CC2D2B: variants seen among roughly 807,000 people sequenced by gnomAD.
CC2D2B encodes the protein coiled-coil and C2 domain containing 2B.
In CC2D2B, 128 loss-of-function variants were observed where a neutral mutation model predicts 161.2. The ratio of observed to expected loss-of-function variants is 0.79; its 90% CI spans 0.69 to 0.92. The LOEUF is 0.92. Among genes scored for constraint, CC2D2B ranks in the 40% least tolerant of loss-of-function variants. CC2D2B has a pLI of 0.00. For synonymous variants in CC2D2B, 391 were observed against 449.8 expected (o/e 0.87, Z 1.65); for missense variants, 1,173 against 1,375.1 (o/e 0.85, Z 2.32).
intron 2 of CC2D2B, among the ~76,000 whole-genome samples, chr10:95,918,036 C>G (rs143946289): frequency 4.7e-4 from 71 of 152,280 alleles, no homozygotes; most frequent in African/African-American, 1.5e-3. Flanking sequence ...CTCAGCCTCC[C>G]AAAGTGCTGG....
At position 95,981,210 on chromosome 10, in the gene CC2D2B, G is replaced by A. The variant is rs190024030; in HGVS notation, c.1944-765G>A. On this transcript the variant is annotated intron_variant, in intron 17 of 34. Transcript: ENST00000646931. Reference sequence around the variant, plus strand: ...AGATTGAAACCATCCTGGCCAACATGGTGAAATGCCCTCTCTACTAAAAAT... The same window carrying A: ...AGATTGAAACCATCCTGGCCAACATAGTGAAATGCCCTCTCTACTAAAAAT... Among the ~76,000 whole-genome samples the A allele has an allele frequency of 3.9e-5, 6 of 152,174 alleles. No homozygotes were observed. In the East Asian group the frequency reaches 1.2e-3, roughly 29 times the overall value.
chr10:95,925,840 C>G (rs192479214), intron 5 of CC2D2B, among the ~76,000 whole-genome samples: 33 of 152,210 alleles, frequency 2.2e-4, no homozygotes, highest in Non-Finnish European at 4.4e-4. Context: ...TTAGGTTGAT[C>G]TTTTAGGGGA....
At chr10:95,923,363 G>C (rs967024653) in intron 3 of CC2D2B, among the ~76,000 whole-genome samples, 7 of 152,294 alleles carry the variant, frequency 4.6e-5, no homozygotes, top group Admixed American at 2.6e-4. Flanking sequence ...TGAGATTGCA[G>C]GCATAAGCCT....
In CC2D2B at chr10:95,966,317, A is replaced by T. The variant is rs1034110113; in HGVS notation, c.1466+15A>T. Reference sequence around the variant, plus strand: ...AAGTGTTCCTTGTAAGCATGTTTAAATAATTATTTATTTATTATATATTGT... The same window carrying T: ...AAGTGTTCCTTGTAAGCATGTTTAATTAATTATTTATTTATTATATATTGT... On this transcript the variant is annotated intron_variant, in intron 14 of 34. Transcript: ENST00000646931. 3 of 899,856 alleles carry T rather than the reference A, an allele frequency of 3.3e-6. No individual in the cohort carries two copies. Among genetic ancestry groups the T allele is most frequent in the Non-Finnish European group, 4.4e-6 (3 of 685,262 alleles). 55.7% of individuals were successfully genotyped at this position (899,856 alleles called of 1,614,324 possible).
intron 12 of CC2D2B, among the ~76,000 whole-genome samples, chr10:95,963,726 A>G (rs1345042320): frequency 1.3e-5 from 2 of 152,174 alleles, no homozygotes; most frequent in Non-Finnish European, 2.9e-5. Flanking sequence ...AGTAGAAGGA[A>G]GTGGTTAGCA....
intron 22 of CC2D2B, among the ~76,000 whole-genome samples, chr10:95,993,762 A>C (rs2078045278): frequency 6.8e-6 from 1 of 146,670 alleles, no homozygotes; most frequent in South Asian, 2.2e-4. Flanking sequence ...TATATATAGA[A>C]AGAGTGTGTA....
At chr10:95,976,498 T>A (rs1468946247) in intron 17 of CC2D2B, among the ~76,000 whole-genome samples, 2 of 152,196 alleles carry the variant, frequency 1.3e-5, no homozygotes, top group East Asian at 3.8e-4. Flanking sequence ...AGTCAAACTT[T>A]ACAATTAGAG....
chr10:95,910,634 A>C (rs926204022), intron 1 of CC2D2B, among the ~76,000 whole-genome samples: 3 of 152,208 alleles, frequency 2.0e-5, no homozygotes, highest in African/African-American at 7.2e-5. Flanking sequence ...ACATTTCAAC[A>C]TGAGATTTGG....
At chr10:95,990,720 C>T (rs959937934) in intron 20 of CC2D2B, among the ~76,000 whole-genome samples, 1 of 152,150 alleles carries the variant, frequency 6.6e-6, no homozygotes, top group African/African-American at 2.4e-5. Context: ...AGAAAATTGC[C>T]TCCAGACATG....
intron 6 of CC2D2B, among the ~76,000 whole-genome samples, chr10:95,933,929 C>T (rs1309444302): frequency 4.6e-5 from 7 of 152,234 alleles, no homozygotes. Flanking sequence ...ATCTGCTGCT[C>T]TCTTCAGAGC....
rs1303160879 is a variant in CC2D2B at position 95,971,339 on chromosome 10, T to C, written c.1645-727T>C. ...AGGAGGCGGAGGTTGCAGTGAGCAG[T>C]GATTGCACCACTACAATCCAGCCTG... On this transcript the variant is annotated intron_variant, in intron 15 of 34. Transcript: ENST00000646931. Among the ~76,000 whole-genome samples, 4 of 147,510 alleles carry C rather than the reference T, an allele frequency of 2.7e-5. No individual in the cohort carries two copies. In the East Asian group the frequency reaches 7.9e-4, roughly 29 times the overall value.
At chr10:95,932,846 C>T (rs945988444) in intron 6 of CC2D2B, among the ~76,000 whole-genome samples, 4 of 152,038 alleles carry the variant, frequency 2.6e-5, no homozygotes, top group Middle Eastern at 3.2e-3. Context: ...GTGACTCTGG[C>T]GATTATGTTT....
chr10:95,923,610 TTTTTG>T (rs946810404), intron 3 of CC2D2B, among the ~76,000 whole-genome samples: 1 of 152,218 alleles, frequency 6.6e-6, no homozygotes, highest in Admixed American at 6.5e-5. Context: ...CTGAGCTTTG[TTTTTG>T]TTTTGTTTTG....
chr10:95,974,670 C>G (rs992857041), intron 17 of CC2D2B, among the ~76,000 whole-genome samples: 4 of 152,116 alleles, frequency 2.6e-5, no homozygotes, highest in Non-Finnish European at 2.9e-5. Context: ...TTTATTTCAT[C>G]ATTTAAAATA....
intron 5 of CC2D2B, among the ~76,000 whole-genome samples, chr10:95,926,610 A>T (rs1248474827): frequency 6.6e-6 from 1 of 151,960 alleles, no homozygotes; most frequent in Non-Finnish European, 1.5e-5. Context: ...TTTACTTATT[A>T]TAGAATTGAT....
intron 9 of CC2D2B, among the ~76,000 whole-genome samples, chr10:95,939,483 TTTTCTG>T (rs138373256): frequency 0.3 from 46,112 of 151,812 alleles, 7,562 homozygotes; most frequent in Admixed American, 0.4. Flanking sequence ...TGTGTATGCA[TTTTCTG>T]TTGGTAAATA....
intron 7 of CC2D2B, 29 bp downstream of exon 7, chr10:95,938,218 A>C: frequency 7.1e-7 from 1 of 1,404,154 alleles, no homozygotes; most frequent in Non-Finnish European, 9.8e-7. Flanking sequence ...AAAATATTCA[A>C]GTCATTAACG....
Position 96,032,164 on chromosome 10 carries a change from CG to C in CC2D2B, c.*157del. 3 of 590,764 alleles carry C rather than the reference CG, an allele frequency of 5.1e-6. No homozygotes were observed. Among genetic ancestry groups the C allele is most frequent in the Non-Finnish European group, 6.0e-6 (2 of 335,176 alleles). 36.6% of individuals were successfully genotyped at this position (590,764 alleles called of 1,614,324 possible). ...TACAGAGCTGGGCACTATGGAGACT[CG>C]CACCCCTGAGTGAGTCTTTGAGGAG... is the stretch of plus-strand genomic sequence containing the variant. On this transcript the variant is annotated 3_prime_UTR_variant, in exon 35 of 35. Transcript: ENST00000646931.
intron 2 of CC2D2B, among the ~76,000 whole-genome samples, chr10:95,915,764 G>A (rs1455698344): frequency 6.6e-6 from 1 of 152,060 alleles, no homozygotes; most frequent in Admixed American, 6.5e-5. Context: ...ATTTGGTCAC[G>A]ATGAATGATC....
Sources: allele counts gnomAD v4.1 joint callset (sites outside exome capture counted in the v4.1 genomes callset), GRCh38; gene constraint gnomAD v4.1.1; transcripts MANE v1.5; gene names NCBI Gene and HGNC (gene_info 2026-07-23, HGNC 2026-07-21).